Variants in RTN4IP1 observed in about 807,000 individuals in gnomAD.
The protein encoded by RTN4IP1 is NAD(P)H oxidoreductase RTN4IP1, mitochondrial.
In RTN4IP1, 32 loss-of-function variants were observed where a neutral mutation model predicts 46.6. The observed-to-expected ratio is 0.69, with a 90% CI of 0.52 to 0.92. The LOEUF is 0.92. RTN4IP1 is among the 40% of genes least tolerant of loss of function. The pLI is 0.00. For missense variants in RTN4IP1, 424 were observed against 485.8 expected, an observed-to-expected ratio of 0.87 and a Z score of 1.20; for synonymous variants, 167 against 161.8, an observed-to-expected ratio of 1.03 and a Z score of -0.24.
chr6:106,628,617 T>C (rs2114690174), intron 1 of RTN4IP1, 131 bp downstream of exon 1: 1 of 857,152 alleles, frequency 1.2e-6, no homozygotes, highest in African/African-American at 1.7e-5. Context: ...TGGAAATATT[T>C]GCAGAGGTAT....
rs60568175 is a variant in RTN4IP1 at position 106,605,816 on chromosome 6, C to CAAAAAAAAAA, written c.621-2904_621-2895dup. ...TGGGCGACAGAGCAAGACTCTGTCC[C>CAAAAAAAAAA]AAAAAAAAAAAAAAAAAAAAAAAAA... is the stretch of plus-strand genomic sequence containing the variant. On this transcript the variant is annotated intron_variant, in intron 4 of 8. Coordinates refer to ENST00000369063, the MANE Select transcript of RTN4IP1 (RefSeq NM_032730.5). 4.4e-4 allele frequency among the ~76,000 whole-genome samples: 2 copies of CAAAAAAAAAA among 4,496 alleles called. 1 individual carries two copies. The allele number at this position is 4,496 out of a possible 152,430, so 2.9% of individuals were successfully genotyped here.
chr6:106,593,195 C>T (rs1308519912), intron 5 of RTN4IP1, among the ~76,000 whole-genome samples: 1 of 152,092 alleles, frequency 6.6e-6, no homozygotes. Context: ...TTCTTAAAAA[C>T]TTGGATCAGG....
At chr6:106,595,272 A>G (rs1332971730) in intron 5 of RTN4IP1, among the ~76,000 whole-genome samples, 6 of 152,088 alleles carry the variant, frequency 3.9e-5, no homozygotes, top group Non-Finnish European at 5.9e-5. Context: ...ATTTTCTGCA[A>G]CTCGGCAGAT....
intron 5 of RTN4IP1, among the ~76,000 whole-genome samples, chr6:106,599,758 T>C (rs919650421): frequency 3.3e-5 from 5 of 152,060 alleles, no homozygotes; most frequent in African/African-American, 1.2e-4. Context: ...TCTGAAATTC[T>C]GGTACATATC....
intron 1 of RTN4IP1, among the ~76,000 whole-genome samples, chr6:106,626,761 G>C (rs952641891): frequency 6.6e-6 from 1 of 152,108 alleles, no homozygotes; most frequent in African/African-American, 2.4e-5. Context: ...TATTGACAGG[G>C]GTTGACACCT....
chr6:106,604,866 T>C (rs1327930214), intron 4 of RTN4IP1, among the ~76,000 whole-genome samples: 6 of 152,148 alleles, frequency 3.9e-5, no homozygotes, highest in African/African-American at 7.2e-5. Context: ...CTGCACCTTA[T>C]TACCTGCCCA....
In RTN4IP1 at chr6:106,592,167, T is replaced by A; in HGVS notation, c.803A>T (p.Lys268Ile). Residue 268 changes from lysine (K) to isoleucine (I), a missense_variant, in exon 6 of 9, where the codon AAA (lysine) becomes ATA (isoleucine). Transcript: ENST00000369063. ...GSVEEQLKSL[K>I]PFDFILDNVG... ...TGAACATTGTTCTAATACATACGGT[T>A]TTAAGGATTTCAACTGCTCTTCCAC... 4 of 1,613,932 alleles carry A rather than the reference T, an allele frequency of 2.5e-6. No individual in the cohort carries two copies. The highest frequency in any genetic ancestry group is 3.4e-6 in the Non-Finnish European group (4 of 1,179,970).
intron 7 of RTN4IP1, among the ~76,000 whole-genome samples, chr6:106,584,504 A>C (rs1334314872): frequency 1.3e-5 from 2 of 152,196 alleles, no homozygotes; most frequent in African/African-American, 2.4e-5. Flanking sequence ...TGAAAAATGC[A>C]ATGGAAACCC....
At chr6:106,583,096 C>T (rs746499420) in intron 8 of RTN4IP1, among the ~76,000 whole-genome samples, 10 of 152,148 alleles carry the variant, frequency 6.6e-5, no homozygotes, top group South Asian at 2.1e-4. Flanking sequence ...TAAACCAAGG[C>T]GGTTTGACTA....
At chr6:106,573,488 C>A (rs1775136502) in intron 8 of RTN4IP1, among the ~76,000 whole-genome samples, 1 of 152,216 alleles carries the variant, frequency 6.6e-6, no homozygotes, top group African/African-American at 2.4e-5. Flanking sequence ...TTTGTACCCA[C>A]AAATCACAAT....
At chr6:106,602,795 A>G (rs977178830) in intron 5 of RTN4IP1, 79 bp downstream of exon 5, 53 of 971,612 alleles carry the variant, frequency 5.5e-5, no homozygotes, top group Middle Eastern at 4.3e-4. Context: ...CTCAGCTTTT[A>G]AGGAGAAATA....
intron 3 of RTN4IP1, among the ~76,000 whole-genome samples, chr6:106,619,921 TTAA>T (rs149961287): frequency 0.074 from 11,233 of 151,886 alleles, 1,062 homozygotes; most frequent in African/African-American, 0.2. Context: ...TATGATTTTC[TTAA>T]TAACATTTTT....
chr6:106,625,212 T>C (rs1043656436), intron 1 of RTN4IP1, among the ~76,000 whole-genome samples: 2 of 151,550 alleles, frequency 1.3e-5, no homozygotes, highest in Non-Finnish European at 2.9e-5. Context: ...ACCTCTCCAG[T>C]GTCATGTACC....
At chr6:106,616,568 ATAG>A (rs57053810) in intron 4 of RTN4IP1, among the ~76,000 whole-genome samples, 39,132 of 151,100 alleles carry the variant, frequency 0.26, 5,330 homozygotes, top group East Asian at 0.44. Context: ...CTTAATGCCA[ATAG>A]CTAATAGCTA....
rs1224869127 is a variant in RTN4IP1, at chr6:106,572,227, T to A, written c.1084-124A>T. 5.3e-6 allele frequency: 4 copies of A among 753,960 alleles called. No homozygotes were observed. In the Admixed American group the frequency reaches 7.0e-5, roughly 13 times the overall value. The allele number at this position is 753,960 out of a possible 1,614,324, so 46.7% of individuals were successfully genotyped here. A position where few individuals can be genotyped will look rare whatever the true frequency, so the allele number is the denominator to read the frequency against. On this transcript the variant is annotated intron_variant, in intron 8 of 8. Coordinates refer to ENST00000369063, the MANE Select transcript of RTN4IP1 (RefSeq NM_032730.5). ...CAGTCTCTCTCAAGTGTCTCTCCAG[T>A]GGACCCAGGTCAGGCTCTCACAAGG...
intron 5 of RTN4IP1, among the ~76,000 whole-genome samples, chr6:106,592,865 G>T (rs547627026): frequency 6.6e-6 from 1 of 151,862 alleles, no homozygotes; most frequent in African/African-American, 2.4e-5. Context: ...GGAGGCAGAG[G>T]TTGCAGTGAG....
intron 5 of RTN4IP1, among the ~76,000 whole-genome samples, chr6:106,600,252 G>A (rs754408668): frequency 6.6e-6 from 1 of 151,996 alleles, no homozygotes; most frequent in Admixed American, 6.6e-5. Context: ...GGCCCCTACT[G>A]GGGAAAAGAA....
intron 4 of RTN4IP1, among the ~76,000 whole-genome samples, chr6:106,615,543 C>T (rs542985402): frequency 2.8e-4 from 42 of 152,208 alleles, no homozygotes; most frequent in African/African-American, 9.4e-4. Context: ...GGCATGATCT[C>T]AGCTCACTGT....
intron 8 of RTN4IP1, among the ~76,000 whole-genome samples, chr6:106,581,054 G>A (rs1775360131): frequency 6.6e-6 from 1 of 150,948 alleles, no homozygotes; most frequent in South Asian, 2.1e-4. Flanking sequence ...AGAGAGAGAG[G>A]AAAAAAATTA....
Sources: gnomAD v4.1 joint callset for allele counts (sites outside exome capture counted in the v4.1 genomes callset) on GRCh38, gnomAD v4.1.1 for gene constraint, MANE v1.5 for transcripts, NCBI Gene and HGNC (gene_info 2026-07-23, HGNC 2026-07-21) for gene names.